The following KIAA1217 variants were observed in gnomAD, a reference collection of about 807,000 sequenced individuals.
KIAA1217 encodes KIAA1217.
In KIAA1217, 88 loss-of-function variants were observed where a neutral mutation model predicts 163.9. The observed-to-expected ratio is 0.54, with a 90% CI of 0.45 to 0.64. The LOEUF is 0.64. Among genes scored for constraint, KIAA1217 ranks in the 30% least tolerant of loss-of-function variants. The pLI, the probability that KIAA1217 is intolerant of heterozygous loss-of-function variation, is 0.00. For synonymous variants in KIAA1217, 903 were observed against 923.1 expected, an observed-to-expected ratio of 0.98 and a Z score of 0.39; for missense variants, 2,372 against 2,475.0, an observed-to-expected ratio of 0.96 and a Z score of 0.88.
intron 1 of KIAA1217, among the ~76,000 whole-genome samples, chr10:23,926,297 G>A (rs1469912508): frequency 6.6e-6 from 1 of 152,214 alleles, no homozygotes; most frequent in Admixed American, 6.5e-5. Context: ...GGCAACAGAA[G>A]TCAAGAAAAG....
intron 1 of KIAA1217, among the ~76,000 whole-genome samples, chr10:23,933,937 G>A (rs1843363631): frequency 6.6e-6 from 1 of 152,178 alleles, no homozygotes; most frequent in Non-Finnish European, 1.5e-5. Context: ...TACACTGTTG[G>A]TAGGAATGTA....
chr10:23,804,135 C>A (rs753269510), intron 1 of KIAA1217, among the ~76,000 whole-genome samples: 1 of 152,172 alleles, frequency 6.6e-6, no homozygotes. Context: ...AGGCCTCCAT[C>A]TAGATCATGT....
intron 2 of KIAA1217, among the ~76,000 whole-genome samples, chr10:24,165,496 G>A (rs2065303392): frequency 6.6e-6 from 1 of 152,170 alleles, no homozygotes. Context: ...CCACCAAGGA[G>A]CAAGATTTTG....
chr10:24,055,344 T>C (rs950230421), intron 2 of KIAA1217, among the ~76,000 whole-genome samples: 2 of 152,200 alleles, frequency 1.3e-5, no homozygotes, highest in Non-Finnish European at 2.9e-5. Context: ...GTCTATAATG[T>C]CTTGTTTAAT....
intron 2 of KIAA1217, among the ~76,000 whole-genome samples, chr10:24,294,187 C>CAAAAAAA (rs371110913): frequency 1.1e-4 from 6 of 55,100 alleles, no homozygotes; most frequent in African/African-American, 2.3e-4. Flanking sequence ...GACTCCGTCT[C>CAAAAAAA]AAAAAAAAAA....
At chr10:24,473,186 G>A (rs751592825) in intron 5 of KIAA1217, 42 bp from the exon 6 acceptor site, 17 of 1,383,562 alleles carry the variant, frequency 1.2e-5, no homozygotes, top group Non-Finnish European at 1.6e-5. Flanking sequence ...CTTGAAACAC[G>A]AATATCAAAG....
intron 1 of KIAA1217, among the ~76,000 whole-genome samples, chr10:23,944,802 T>C (rs1843938453): frequency 6.6e-6 from 1 of 152,124 alleles, no homozygotes; most frequent in Admixed American, 6.5e-5. Flanking sequence ...CTCACATCTG[T>C]AATCCCAGCA....
chr10:24,521,831 A>G lies in KIAA1217; in HGVS notation c.2358A>G (p.Glu786=). 1 of 1,613,844 alleles carries G rather than the reference A, an allele frequency of 6.2e-7. No homozygotes were observed. Among genetic ancestry groups the G allele is most frequent in the South Asian group, 1.1e-5 (1 of 91,068 alleles). The change falls in exon 12 of 21, where the codon GAA becomes GAG. Residue 786 remains glutamate (E), a synonymous_variant. Transcript: ENST00000376454. The stretch of plus-strand genomic sequence containing the variant: ...AGATGCGAGCCATCCTGCGCATAGA[A>G]GTGGAGGCCGTGCGGTTTCTGAAGG... The part of the protein sequence containing the change: ...QNKMRAILRI[E]VEAVRFLKEE...
At chr10:24,114,919 C>G (rs2062993137) in intron 2 of KIAA1217, among the ~76,000 whole-genome samples, 1 of 152,190 alleles carries the variant, frequency 6.6e-6, no homozygotes, top group Admixed American at 6.5e-5. Flanking sequence ...CAAGTTCCAT[C>G]CTATCTCTGT....
intron 1 of KIAA1217, among the ~76,000 whole-genome samples, chr10:23,973,500 A>C (rs1845408740): frequency 6.6e-6 from 1 of 152,244 alleles, no homozygotes; most frequent in Non-Finnish European, 1.5e-5. Flanking sequence ...TTCATTCCTG[A>C]AGTGGTTCCC....
chr10:23,818,848 C>T (rs868720342), intron 1 of KIAA1217, among the ~76,000 whole-genome samples: 2 of 152,268 alleles, frequency 1.3e-5, no homozygotes, highest in South Asian at 2.1e-4. Flanking sequence ...TGACTATTTC[C>T]TTGCCCTGTG....
intron 1 of KIAA1217, among the ~76,000 whole-genome samples, chr10:23,810,367 T>C (rs1836945293): frequency 6.8e-6 from 1 of 146,220 alleles, no homozygotes; most frequent in Admixed American, 7.0e-5. Context: ...ATATATAGTA[T>C]ATATTCTAGT....
rs201002497 is a variant in KIAA1217, at chr10:24,185,100, C to G, written c.-170-34526C>G. ...AAGAAGAGACTGCTCTTACTAGTCT[C>G]TATTCTCCACCAATCTCTCATCTAG... On this transcript the variant is annotated intron_variant, in intron 2 of 18. Coordinates refer to the KIAA1217 transcript ENST00000376462. Among the ~76,000 whole-genome samples, 75 of 152,260 alleles carry G rather than the reference C, an allele frequency of 4.9e-4. No homozygotes were observed. The East Asian group carries it at 0.014, about 27-fold the overall frequency.
chr10:23,895,969 G>A (rs1199040467), intron 1 of KIAA1217, among the ~76,000 whole-genome samples: 2 of 131,858 alleles, frequency 1.5e-5, no homozygotes, highest in Non-Finnish European at 3.1e-5. Context: ...AGGAAGGGGA[G>A]CATCACACAC....
chr10:24,104,836 A>G (rs12251049), intron 2 of KIAA1217, among the ~76,000 whole-genome samples: 23,298 of 152,130 alleles, frequency 0.15, 3,940 homozygotes, highest in African/African-American at 0.42. Flanking sequence ...GTAAAGTGTG[A>G]TTTAAAAATT....
At chr10:24,102,091 G>A (rs149105512) in intron 2 of KIAA1217, among the ~76,000 whole-genome samples, 6,582 of 152,206 alleles carry the variant, frequency 0.043, 186 homozygotes, top group Middle Eastern at 0.075. Flanking sequence ...AATTGGGAAG[G>A]AATAAATAAA....
chr10:24,314,989 T>A (rs2043173665), intron 2 of KIAA1217, among the ~76,000 whole-genome samples: 1 of 152,066 alleles, frequency 6.6e-6, no homozygotes, highest in Non-Finnish European at 1.5e-5. Context: ...CCATTGTTCA[T>A]CTAAGAACCT....
At chr10:24,545,569 A>T (rs1401622362) in intron 20 of KIAA1217, 1 of 1,356,636 alleles carries the variant, frequency 7.4e-7, no homozygotes, top group Non-Finnish European at 9.4e-7. Flanking sequence ...CACACAGGAA[A>T]TGGTAGAGCT....
chr10:23,903,496 G>A (rs1010068738), intron 1 of KIAA1217, among the ~76,000 whole-genome samples: 1 of 152,118 alleles, frequency 6.6e-6, no homozygotes, highest in Non-Finnish European at 1.5e-5. Flanking sequence ...TAGATTTGAT[G>A]AAGAGTGGAC....
Sources: gnomAD v4.1 joint callset for allele counts (sites outside exome capture counted in the v4.1 genomes callset) on GRCh38, gnomAD v4.1.1 for gene constraint, MANE v1.5 for transcripts, NCBI Gene and HGNC (gene_info 2026-07-23, HGNC 2026-07-21) for gene names.